The following CA10 variants were observed in gnomAD, a reference collection of about 807,000 sequenced individuals.
CA10 encodes carbonic anhydrase 10 (inactive), also known as carbonic anhydrase-related protein 10.
A neutral mutation model predicts 44.2 loss-of-function variants in CA10; 14 were observed. The ratio of observed to expected loss-of-function variants is 0.32; its 90% CI spans 0.21 to 0.50. CA10 has a LOEUF of 0.50. Ranked by LOEUF, CA10 falls within the 20% of genes least tolerant of loss-of-function variation. The pLI, the probability that CA10 is intolerant of heterozygous loss-of-function variation, is 0.99. For missense variants in CA10, 350 were observed against 409.7 expected (o/e 0.85, Z 1.26); for synonymous variants, 159 against 141.6 (o/e 1.12, Z -0.87).
chr17:51,680,195 T>C (rs1037011947), intron 4 of CA10, among the ~76,000 whole-genome samples: 1 of 152,174 alleles, frequency 6.6e-6, no homozygotes, highest in Non-Finnish European at 1.5e-5. Flanking sequence ...GAAGACTTCA[T>C]GGAGGAAGAG....
intron 4 of CA10, among the ~76,000 whole-genome samples, chr17:51,674,722 C>T (rs1914554384): frequency 6.6e-6 from 1 of 152,158 alleles, no homozygotes; most frequent in Non-Finnish European, 1.5e-5. Context: ...GGGGGACCAC[C>T]TCTATTTCCA....
intron 1 of CA10, among the ~76,000 whole-genome samples, chr17:52,104,077 G>T (rs1988602276): frequency 6.6e-6 from 1 of 152,124 alleles, no homozygotes; most frequent in Non-Finnish European, 1.5e-5. Flanking sequence ...TGCCTCACAA[G>T]TCTAATGGAC....
intron 2 of CA10, among the ~76,000 whole-genome samples, chr17:51,932,176 G>C (rs1209306436): frequency 6.6e-6 from 1 of 152,084 alleles, no homozygotes; most frequent in Non-Finnish European, 1.5e-5. Flanking sequence ...GGTCGAGTAT[G>C]TTATGAGACT....
chr17:51,992,026 G>A (rs535734900), intron 2 of CA10, among the ~76,000 whole-genome samples: 3 of 151,670 alleles, frequency 2.0e-5, no homozygotes, highest in South Asian at 2.1e-4. Flanking sequence ...TAAAACATCC[G>A]TGATTTACTC....
chr17:52,085,984 T>A (rs1697827130), intron 1 of CA10, among the ~76,000 whole-genome samples: 1 of 152,224 alleles, frequency 6.6e-6, no homozygotes, highest in Admixed American at 6.5e-5. Flanking sequence ...ATCTCTGAAG[T>A]TTCTTACCAT....
chr17:52,030,340 T>C (rs901211666), intron 2 of CA10, among the ~76,000 whole-genome samples: 1 of 152,102 alleles, frequency 6.6e-6, no homozygotes, highest in African/African-American at 2.4e-5. Flanking sequence ...TGGGATAACA[T>C]CAATGGATGA....
intron 2 of CA10, among the ~76,000 whole-genome samples, chr17:51,968,218 G>A (rs774874248): frequency 8.6e-5 from 13 of 151,842 alleles, no homozygotes; most frequent in Admixed American, 2.6e-4. Flanking sequence ...GTACCCTACA[G>A]AAATGAACAC....
intron 2 of CA10, among the ~76,000 whole-genome samples, chr17:52,037,133 C>T (rs777577605): frequency 1.3e-5 from 2 of 152,026 alleles, no homozygotes. Context: ...AGTGGGATAT[C>T]GAAATGGAAA....
intron 1 of CA10, among the ~76,000 whole-genome samples, chr17:52,092,505 A>G (rs1598210394): frequency 6.6e-6 from 1 of 152,142 alleles, no homozygotes; most frequent in Non-Finnish European, 1.5e-5. Context: ...GTATGTGGAC[A>G]TGCTTGCAGA....
intron 3 of CA10, among the ~76,000 whole-genome samples, chr17:51,833,032 G>A (rs1253221242): frequency 6.6e-6 from 1 of 152,158 alleles, no homozygotes; most frequent in African/African-American, 2.4e-5. Context: ...AGCCACACAG[G>A]AGTTTCTGGA....
chr17:51,639,560 C>T (rs1412738154), intron 6 of CA10, among the ~76,000 whole-genome samples: 2 of 152,174 alleles, frequency 1.3e-5, no homozygotes. Flanking sequence ...CACTGAGGTC[C>T]TGCCAGGAGA....
At chr17:51,915,910 A>G (rs2143960299) in intron 3 of CA10, among the ~76,000 whole-genome samples, 1 of 152,064 alleles carries the variant, frequency 6.6e-6, no homozygotes, top group East Asian at 1.9e-4. Flanking sequence ...ATTGAACAGC[A>G]TGGACCCAAA....
At chr17:51,938,825 T>C (rs1982965463) in intron 2 of CA10, among the ~76,000 whole-genome samples, 1 of 152,076 alleles carries the variant, frequency 6.6e-6, no homozygotes, top group Non-Finnish European at 1.5e-5. Context: ...TCCTCCTCAT[T>C]ATTATTATTT....
chr17:51,736,963 T>C (rs919156864), intron 4 of CA10, among the ~76,000 whole-genome samples: 3 of 152,162 alleles, frequency 2.0e-5, no homozygotes, highest in South Asian at 2.1e-4. Context: ...ACTTTACAGC[T>C]AGAAACAGTG....
chr17:52,049,319 C>T (rs1016809102), intron 2 of CA10, among the ~76,000 whole-genome samples: 5 of 152,044 alleles, frequency 3.3e-5, no homozygotes, highest in African/African-American at 4.8e-5. Flanking sequence ...ACTAGCTATG[C>T]GGCCTTGAGT....
At chr17:52,019,869 T>C (rs563760694) in intron 2 of CA10, among the ~76,000 whole-genome samples, 2 of 152,006 alleles carry the variant, frequency 1.3e-5, no homozygotes, top group African/African-American at 2.4e-5. Flanking sequence ...ACATTCCTGT[T>C]ATTTACTTAC....
intron 4 of CA10, among the ~76,000 whole-genome samples, chr17:51,688,218 TG>T (rs1346762053): frequency 6.6e-6 from 1 of 152,232 alleles, no homozygotes; most frequent in Non-Finnish European, 1.5e-5. Context: ...AGCCTTCAGA[TG>T]ACTTCTGCCT....
At chr17:51,853,640 G>A (rs1048968255) in intron 3 of CA10, among the ~76,000 whole-genome samples, 2 of 152,120 alleles carry the variant, frequency 1.3e-5, no homozygotes, top group Non-Finnish European at 2.9e-5. Flanking sequence ...AGGATGCCCT[G>A]GTGATATGGC....
chr17:51,989,902 C>T (rs1909923), intron 2 of CA10, among the ~76,000 whole-genome samples: 51,287 of 152,024 alleles, frequency 0.34, 10,416 homozygotes, highest in East Asian at 0.74. Context: ...CTGGTTACTG[C>T]GTGCTAATGC....
Sources: allele counts gnomAD v4.1 joint callset (sites outside exome capture counted in the v4.1 genomes callset), GRCh38; gene constraint gnomAD v4.1.1; transcripts MANE v1.5; gene names NCBI Gene and HGNC (gene_info 2026-07-23, HGNC 2026-07-21).